SLC35F3: variants seen among roughly 807,000 people sequenced by gnomAD.
SLC35F3 encodes solute carrier family 35 member F3.
Under a neutral mutation model 49.9 loss-of-function variants are expected in SLC35F3, and 25 were observed. The ratio of observed to expected loss-of-function variants is 0.50; its 90% CI spans 0.37 to 0.70. SLC35F3 has a LOEUF of 0.70. Among genes scored for constraint, SLC35F3 ranks in the 30% least tolerant of loss-of-function variants. SLC35F3 has a pLI of 0.00. For synonymous variants in SLC35F3, 275 were observed against 265.4 expected, an observed-to-expected ratio of 1.04 and a Z score of -0.35; for missense variants, 525 against 639.8, an observed-to-expected ratio of 0.82 and a Z score of 1.94.
chr1:234,047,698 T>TAC (rs5781776), intron 2 of SLC35F3, among the ~76,000 whole-genome samples: 25 of 151,278 alleles, frequency 1.7e-4, no homozygotes, highest in South Asian at 6.3e-4. Context: ...CACACATACA[T>TAC]ACACACACAC....
At chr1:233,981,253 C>A (rs1558195978) in intron 2 of SLC35F3, among the ~76,000 whole-genome samples, 1 of 152,136 alleles carries the variant, frequency 6.6e-6, no homozygotes, top group African/African-American at 2.4e-5. Flanking sequence ...AATCAAGACA[C>A]AGAACGGATC....
chr1:234,108,250 T>TATATATTATTTATATATATAAAG (rs1553305660), intron 2 of SLC35F3, among the ~76,000 whole-genome samples: 5 of 81,346 alleles, frequency 6.1e-5, no homozygotes, highest in Non-Finnish European at 9.5e-5. Flanking sequence ...ATATAAAAGA[T>TATATATTATTTATATATATAAAG]ATATATATTT....
intron 2 of SLC35F3, among the ~76,000 whole-genome samples, chr1:234,084,216 AATAGACAC>A (rs1664926195): frequency 8.4e-6 from 1 of 119,528 alleles, no homozygotes; most frequent in Non-Finnish European, 1.7e-5. Flanking sequence ...GGTGATAAGG[AATAGACAC>A]ACACACACAC....
chr1:234,146,766 G>A (rs774756007), intron 2 of SLC35F3, among the ~76,000 whole-genome samples: 33 of 151,834 alleles, frequency 2.2e-4, no homozygotes, highest in Non-Finnish European at 4.1e-4. Context: ...CACCCGCCTC[G>A]GCCTCCCAAA....
intron 2 of SLC35F3, among the ~76,000 whole-genome samples, chr1:234,217,746 TGAG>T (rs1419959710): frequency 6.6e-6 from 1 of 152,058 alleles, no homozygotes; most frequent in Non-Finnish European, 1.5e-5. Context: ...GAAAGATCTC[TGAG>T]GAGGAGGCCA....
chr1:234,069,464 C>T (rs528524885), intron 2 of SLC35F3, among the ~76,000 whole-genome samples: 1 of 152,036 alleles, frequency 6.6e-6, no homozygotes, highest in Admixed American at 6.6e-5. Context: ...ACCGTGTTAG[C>T]CAGGATGGTC....
In SLC35F3 at chr1:234,076,054, C is replaced by A. The variant is rs373371008; in HGVS notation, c.284-155363C>A. 2.0e-5 allele frequency among the ~76,000 whole-genome samples: 3 copies of A among 152,232 alleles called. No homozygotes were observed. In the East Asian group the frequency reaches 5.8e-4, roughly 30 times the overall value. On this transcript the variant is annotated intron_variant, in intron 2 of 7. Coordinates refer to ENST00000366618, the MANE Select transcript of SLC35F3 (RefSeq NM_173508.4). ...TATTTTCTTCTGGGTATGTTCTTAACCTTGGCAAAATAAAATTCTGAAATG... is the reference window on the plus strand; with the variant it reads ...TATTTTCTTCTGGGTATGTTCTTAAACTTGGCAAAATAAAATTCTGAAATG...
At chr1:234,132,431 T>C (rs967103593) in intron 2 of SLC35F3, among the ~76,000 whole-genome samples, 1 of 152,242 alleles carries the variant, frequency 6.6e-6, no homozygotes, top group African/African-American at 2.4e-5. Flanking sequence ...ATACAAAATT[T>C]CACATTTTTG....
At chr1:234,257,457 A>T (rs1054523822) in intron 3 of SLC35F3, among the ~76,000 whole-genome samples, 1 of 152,140 alleles carries the variant, frequency 6.6e-6, no homozygotes, top group African/African-American at 2.4e-5. Context: ...TGTCTTTTTA[A>T]GATTTGCCAT....
chr1:234,194,415 A>G (rs1417963734), intron 2 of SLC35F3, among the ~76,000 whole-genome samples: 2 of 152,168 alleles, frequency 1.3e-5, no homozygotes, highest in African/African-American at 4.8e-5. Flanking sequence ...AAGGCATAAG[A>G]ATAATACAGT....
chr1:234,067,576 C>T (rs1664640588), intron 2 of SLC35F3, among the ~76,000 whole-genome samples: 1 of 152,204 alleles, frequency 6.6e-6, no homozygotes, highest in African/African-American at 2.4e-5. Flanking sequence ...GGGGGCCTTA[C>T]AGCTTCTTTT....
chr1:233,961,518 G>C (rs58282697), intron 2 of SLC35F3, among the ~76,000 whole-genome samples: 4 of 148,042 alleles, frequency 2.7e-5, no homozygotes, highest in Non-Finnish European at 5.9e-5. Context: ...GGGCTATGGC[G>C]TGATCTCGGC....
At chr1:234,160,137 G>T (rs1666205847) in intron 2 of SLC35F3, among the ~76,000 whole-genome samples, 1 of 152,164 alleles carries the variant, frequency 6.6e-6, no homozygotes, top group African/African-American at 2.4e-5. Context: ...ATAGGCTAAT[G>T]GCAATTGCCA....
At chr1:234,260,250 A>G (rs1406056769) in intron 3 of SLC35F3, among the ~76,000 whole-genome samples, 1 of 152,190 alleles carries the variant, frequency 6.6e-6, no homozygotes, top group Non-Finnish European at 1.5e-5. Flanking sequence ...TGCTGATCCC[A>G]AGGCTCAGCC....
intron 2 of SLC35F3, among the ~76,000 whole-genome samples, chr1:234,167,125 C>T (rs908730675): frequency 3.3e-5 from 5 of 152,206 alleles, no homozygotes; most frequent in African/African-American, 1.2e-4. Context: ...CTACCATTGC[C>T]TTCTTTTCAT....
chr1:233,905,319 C>G (rs866242654), intron 1 of SLC35F3, among the ~76,000 whole-genome samples, 189 bp downstream of exon 1: 1 of 152,180 alleles, frequency 6.6e-6, no homozygotes, highest in East Asian at 1.9e-4. Context: ...TGCCCCGAGA[C>G]GCCCAGGATA....
At chr1:234,229,345 T>G (rs1667333644) in intron 2 of SLC35F3, among the ~76,000 whole-genome samples, 1 of 152,072 alleles carries the variant, frequency 6.6e-6, no homozygotes, top group South Asian at 2.1e-4. Context: ...ATTTTTTTTG[T>G]AATTGTTCAT....
intron 2 of SLC35F3, among the ~76,000 whole-genome samples, chr1:234,183,269 C>T (rs1666588118): frequency 7.0e-6 from 1 of 143,090 alleles, no homozygotes; most frequent in Admixed American, 7.8e-5. Context: ...CTGCCCACCT[C>T]AGCCTTCAAA....
At chr1:234,109,793 G>A (rs530208981) in intron 2 of SLC35F3, among the ~76,000 whole-genome samples, 18 of 152,260 alleles carry the variant, frequency 1.2e-4, no homozygotes, top group South Asian at 2.1e-4. Context: ...CAGAGAGGGC[G>A]CAGTGGATGC....
Sources: gnomAD v4.1 joint callset for allele counts (sites outside exome capture counted in the v4.1 genomes callset) on GRCh38, gnomAD v4.1.1 for gene constraint, MANE v1.5 for transcripts, NCBI Gene and HGNC (gene_info 2026-07-23, HGNC 2026-07-21) for gene names.